Variants in GAR1 observed in about 807,000 individuals in gnomAD.
GAR1 encodes the protein H/ACA ribonucleoprotein complex subunit 1.
Under a neutral mutation model 29.3 loss-of-function variants are expected in GAR1, and 11 were observed. The ratio of observed to expected loss-of-function variants is 0.38; its 90% confidence interval spans 0.24 to 0.62. The LOEUF is 0.62. Among genes scored for constraint, GAR1 ranks in the 20% least tolerant of loss-of-function variants. The pLI is 0.62. For missense variants in GAR1, 237 were observed against 268.4 expected (o/e 0.88, Z 0.82); for synonymous variants, 87 against 93.3 (o/e 0.93, Z 0.39).
chr4:109,819,622 G>A (rs955110785), intron 4 of GAR1: 5 of 152,592 alleles, frequency 3.3e-5, no homozygotes, highest in African/African-American at 1.2e-4. Flanking sequence ...CTTTTAAGAA[G>A]ATGTATCTCT....
At chr4:109,820,031 A>C (rs1733469740) in intron 4 of GAR1, among the ~76,000 whole-genome samples, 1 of 152,224 alleles carries the variant, frequency 6.6e-6, no homozygotes, top group African/African-American at 2.4e-5. Flanking sequence ...GCTTCAAAAG[A>C]ATACTGGGAA....
At chr4:109,819,429 A>G (rs993422890) in intron 4 of GAR1, 7 of 236,226 alleles carry the variant, frequency 3.0e-5, no homozygotes, top group Admixed American at 2.3e-4. Context: ...TGATTTCACA[A>G]GAACTTCAAT....
In GAR1 at chr4:109,824,569, G is replaced by A; in HGVS notation, c.*138G>A. The A allele has an allele frequency of 2.8e-6, 2 of 715,972 alleles. No individual in the cohort carries two copies. Among genetic ancestry groups the A allele is most frequent in the Non-Finnish European group, 5.0e-6 (2 of 399,560 alleles). The allele number at this position is 715,972 out of a possible 1,614,324, so 44.4% of individuals were successfully genotyped here. A position where few individuals can be genotyped will look rare whatever the true frequency, so the allele number is the denominator to read the frequency against. ...TTATGACAATGGATCTAAAATGTCA[G>A]CATCATGCAAAGTGCAACGGAATAG... On this transcript the variant is annotated 3_prime_UTR_variant, in exon 7 of 7. Transcript: ENST00000226796.
chr4:109,815,769 T>TGC lies in GAR1; in HGVS notation c.-45_-44dup, dbSNP rs981566283. 1 of 204,344 alleles carries TGC rather than the reference T, an allele frequency of 4.9e-6. No individual in the cohort carries two copies. The highest frequency in any genetic ancestry group is 5.3e-5 in the Admixed American group (1 of 19,040). The allele number at this position is 204,344 out of a possible 1,614,324, so 12.7% of individuals were successfully genotyped here. On this transcript the variant is annotated 5_prime_UTR_variant, in exon 1 of 7. Transcript: ENST00000226796. ...CGGAAGTACCCCGCGGGTGGGTGTG[T>TGC]GCGCAAGGCCAGGGCCAGAGGGGCA...
chr4:109,819,106 A>G (rs750361385), intron 4 of GAR1, 46 bp downstream of exon 4: 4 of 970,926 alleles, frequency 4.1e-6, no homozygotes, highest in Non-Finnish European at 3.4e-6. Context: ...TTATAAGGGA[A>G]CGACCTATCT....
rs115769730 is a variant in GAR1, at chr4:109,820,893, G to A, written c.430-1454G>A. 2.2e-3 allele frequency among the ~76,000 whole-genome samples: 342 copies of A among 152,060 alleles called. 1 individual carries two copies. The highest frequency in any genetic ancestry group is 8.0e-3 in the African/African-American group (330 of 41,472). On this transcript the variant is annotated intron_variant, in intron 4 of 6. Coordinates refer to ENST00000226796, the MANE Select transcript of GAR1 (RefSeq NM_018983.4). ...CCCAGAAAGAAACAATGCTGAAAAG[G>A]GATTCTCATCTTGTGACCTGAAAAA...
At chr4:109,823,894 A>G in intron 5 of GAR1, 71 bp from the exon 6 acceptor site, 1 of 979,214 alleles carries the variant, frequency 1.0e-6, no homozygotes, top group Non-Finnish European at 1.6e-6. Flanking sequence ...TATACAGTTA[A>G]TAACTTAATG....
chr4:109,815,559 T>A (rs903395977), upstream of GAR1: 1 of 154,102 alleles, frequency 6.5e-6, no homozygotes, highest in Non-Finnish European at 1.5e-5. Context: ...AGTTGGCCTC[T>A]CTGTTGTAAA....
intron 5 of GAR1, 148 bp from the exon 6 acceptor site, chr4:109,823,817 A>G: frequency 2.3e-6 from 1 of 439,586 alleles, no homozygotes; most frequent in Non-Finnish European, 4.0e-6. Flanking sequence ...AAATATGTGA[A>G]TCTATATTTA....
chr4:109,822,427 T>C lies in GAR1; in HGVS notation c.510T>C (p.Gly170=), dbSNP rs1310808032. The change falls in exon 5 of 7, where the codon GGT becomes GGC. Residue 170 remains glycine, a synonymous_variant. Coordinates refer to ENST00000226796, the MANE Select transcript of GAR1 (RefSeq NM_018983.4). ...RPPGEKGPPR[G]GGRGGRGGGR... The stretch of plus-strand genomic sequence containing the variant: ...CAGGTGAGAAAGGACCTCCAAGAGG[T>C]GGTGGCAGGGGAGGCCGAGGAGGAG... The C allele has an allele frequency of 3.1e-6, 5 of 1,610,462 alleles. No homozygotes were observed. Among genetic ancestry groups the C allele is most frequent in the African/African-American group, 1.3e-5 (1 of 74,696 alleles).
chr4:109,819,387 C>CT (rs1448411352), intron 4 of GAR1: 18 of 317,286 alleles, frequency 5.7e-5, no homozygotes, highest in Non-Finnish European at 9.9e-5. Context: ...ATTTGTAAAA[C>CT]TTACGTTATT....
chr4:109,821,082 CT>C (rs1733501365), intron 4 of GAR1, among the ~76,000 whole-genome samples: 1 of 152,186 alleles, frequency 6.6e-6, no homozygotes, highest in African/African-American at 2.4e-5. Context: ...TCCATACCCC[CT>C]GCTATGTTGA....
intron 3 of GAR1, among the ~76,000 whole-genome samples, chr4:109,818,487 CTCTCTCTTTCTT>C (rs1410378072): frequency 3.3e-5 from 5 of 151,072 alleles, no homozygotes; most frequent in Admixed American, 6.6e-5. Flanking sequence ...CTCTCTTTCT[CTCTCTCTTTCTT>C]TCTCTCTCTT....
intron 4 of GAR1, among the ~76,000 whole-genome samples, chr4:109,820,634 GTT>G (rs1313895281): frequency 6.6e-6 from 1 of 152,072 alleles, no homozygotes; most frequent in East Asian, 1.9e-4. Context: ...TTGAAAGAGT[GTT>G]TCCAGGAGGG....
intron 4 of GAR1, among the ~76,000 whole-genome samples, chr4:109,821,051 TA>T (rs1403262652): frequency 6.6e-6 from 1 of 152,206 alleles, no homozygotes. Flanking sequence ...CTAACTTGAG[TA>T]CATTCTACCT....
intron 1 of GAR1, 41 bp from the exon 2 acceptor site, chr4:109,816,112 C>T (rs1306400912): frequency 5.1e-6 from 8 of 1,569,064 alleles, no homozygotes; most frequent in African/African-American, 1.4e-5. Flanking sequence ...TACTCAGAGG[C>T]TACAGTGATC....
intron 5 of GAR1, 23 bp downstream of exon 5, chr4:109,822,511 CTAATGAAAT>C (rs747221660): frequency 1.3e-6 from 2 of 1,584,072 alleles, no homozygotes; most frequent in South Asian, 2.3e-5. Context: ...GGGAAAATTT[CTAATGAAAT>C]TAACTGTGAC....
intron 6 of GAR1, 28 bp downstream of exon 6, chr4:109,824,061 G>T: frequency 7.1e-7 from 1 of 1,399,442 alleles, no homozygotes; most frequent in Non-Finnish European, 1.0e-6. Context: ...TCTTTAAATT[G>T]CTTAATGTTT....
At chr4:109,815,738 G>T (rs1417424076), upstream of GAR1, 2 of 182,022 alleles carry the variant, frequency 1.1e-5, no homozygotes, top group Non-Finnish European at 2.3e-5. Context: ...GGAGGTTCCA[G>T]CGCGGCGGAA....
Sources: allele counts gnomAD v4.1 joint callset (sites outside exome capture counted in the v4.1 genomes callset), GRCh38; gene constraint gnomAD v4.1.1; transcripts MANE v1.5; gene names NCBI Gene and HGNC (gene_info 2026-07-23, HGNC 2026-07-21).